The following ANKRD17 variants were observed in gnomAD, a reference collection of about 807,000 sequenced individuals.
ANKRD17 encodes the protein ankyrin repeat domain 17.
ANKRD17 carries 19 observed loss-of-function variants against 229.7 expected under a neutral mutation model. That is an observed-to-expected ratio of 0.08 (90% CI 0.06 to 0.12). The LOEUF is 0.12. Ranked by LOEUF, ANKRD17 falls within the 10% of genes least tolerant of loss-of-function variation. The probability of loss-of-function intolerance (pLI) is 1.00; values close to 1 mark genes in which losing one functional copy is unlikely to be tolerated. For missense variants in ANKRD17, 2,176 were observed against 3,176.8 expected (o/e 0.68, Z 7.57); for synonymous variants, 1,112 against 1,146.1 (o/e 0.97, Z 0.60).
chr4:73,116,723 T>C (rs1406261620), intron 22 of ANKRD17, among the ~76,000 whole-genome samples: 2 of 152,120 alleles, frequency 1.3e-5, no homozygotes, highest in Non-Finnish European at 2.9e-5. Flanking sequence ...CTCAAACAGT[T>C]ACCTAACTTT....
intron 8 of ANKRD17, 78 bp downstream of exon 8, chr4:73,148,735 T>A (rs559558761): frequency 7.6e-7 from 1 of 1,318,034 alleles, no homozygotes; most frequent in Admixed American, 1.9e-5. Context: ...AAAGGTGAAA[T>A]ACTAAAATCC....
At chr4:73,109,299 CAA>C (rs34817384) in intron 24 of ANKRD17, among the ~76,000 whole-genome samples, 6 of 127,008 alleles carry the variant, frequency 4.7e-5, no homozygotes, top group Admixed American at 1.6e-4. Context: ...GGCGCTGTCT[CAA>C]AAAAAAAAAA....
Position 73,240,806 on chromosome 4 carries a change from C to CTTTTTTTT in ANKRD17, c.393+17462_393+17469dup, listed in dbSNP as rs111961579. Among the ~76,000 whole-genome samples, 32 of 127,032 alleles carry CTTTTTTTT rather than the reference C, an allele frequency of 2.5e-4. 1 individual carries two copies. The South Asian group carries it at 7.6e-3, about 30-fold the overall frequency. 83.3% of individuals were successfully genotyped at this position (127,032 alleles called of 152,430 possible). A position where few individuals can be genotyped will look rare whatever the true frequency, so the allele number is the denominator to read the frequency against. ...AGCTTATATAAATTCAGTACTTATT[C>CTTTTTTTT]TTTTTTTTTTTTTTTTTTTTGGAGA... is the stretch of plus-strand genomic sequence containing the variant. On this transcript the variant is annotated intron_variant, in intron 1 of 33. Transcript: ENST00000358602.
chr4:73,079,439 C>A (rs1017669919), intron 30 of ANKRD17, among the ~76,000 whole-genome samples: 2 of 152,024 alleles, frequency 1.3e-5, no homozygotes, highest in Non-Finnish European at 2.9e-5. Flanking sequence ...ATTGTCCAGG[C>A]TAGAGTGCAG....
At chr4:73,185,791 C>T (rs986536262) in intron 1 of ANKRD17, among the ~76,000 whole-genome samples, 6 of 152,018 alleles carry the variant, frequency 3.9e-5, no homozygotes, top group Non-Finnish European at 5.9e-5. Context: ...AAAGCACAGG[C>T]TATGTGAACA....
intron 1 of ANKRD17, among the ~76,000 whole-genome samples, chr4:73,188,244 A>C (rs2149048187): frequency 6.6e-6 from 1 of 152,268 alleles, no homozygotes; most frequent in South Asian, 2.1e-4. Flanking sequence ...ATGAAAAATA[A>C]AATTATAAGC....
intron 1 of ANKRD17, among the ~76,000 whole-genome samples, chr4:73,234,806 T>C (rs1387037440): frequency 6.6e-6 from 1 of 152,190 alleles, no homozygotes; most frequent in Non-Finnish European, 1.5e-5. Context: ...GTGGGCATCA[T>C]AGTTGTTTAG....
At position 73,076,217 on chromosome 4, in the gene ANKRD17, C is replaced by T; in HGVS notation, c.*14G>A. ...AAATGAAAAGGAATCTGCAGGCTAACAAGCTGATCCTCATCAGCCAAGCTG... is the reference window on the plus strand; with the variant it reads ...AAATGAAAAGGAATCTGCAGGCTAATAAGCTGATCCTCATCAGCCAAGCTG... On this transcript the variant is annotated 3_prime_UTR_variant, in exon 34 of 34. Coordinates refer to ENST00000358602, the MANE Select transcript of ANKRD17 (RefSeq NM_032217.5). 1 of 1,600,616 alleles carries T rather than the reference C, an allele frequency of 6.2e-7. No individual in the cohort carries two copies.
At chr4:73,103,410 C>T (rs1321974975) in intron 24 of ANKRD17, among the ~76,000 whole-genome samples, 1 of 152,110 alleles carries the variant, frequency 6.6e-6, no homozygotes, top group Non-Finnish European at 1.5e-5. Context: ...TATAACTATA[C>T]AGTGTTTCTA....
At chr4:73,181,608 C>T (rs903780924) in intron 1 of ANKRD17, among the ~76,000 whole-genome samples, 7 of 152,096 alleles carry the variant, frequency 4.6e-5, no homozygotes, top group Non-Finnish European at 8.8e-5. Flanking sequence ...CCAGCTGAGA[C>T]AGTTCAGATT....
At chr4:73,250,839 T>TG (rs1365923546) in intron 1 of ANKRD17, among the ~76,000 whole-genome samples, 3 of 151,960 alleles carry the variant, frequency 2.0e-5, no homozygotes, top group Admixed American at 2.0e-4. Flanking sequence ...CCCAAGTAGC[T>TG]GGGACTTACT....
intron 23 of ANKRD17, 46 bp downstream of exon 23, chr4:73,115,775 A>G (rs1045654690): frequency 7.0e-7 from 1 of 1,435,374 alleles, no homozygotes; most frequent in South Asian, 1.2e-5. Flanking sequence ...TGGAAGATAT[A>G]TTAACCGAAT....
At chr4:73,258,131 C>T in intron 1 of ANKRD17, 145 bp downstream of exon 1, 1 of 1,433,418 alleles carries the variant, frequency 7.0e-7, no homozygotes, top group Non-Finnish European at 9.4e-7. Context: ...ACGATTTAGG[C>T]CGAGGGAAGA....
At chr4:73,252,233 T>C (rs1165359144) in intron 1 of ANKRD17, among the ~76,000 whole-genome samples, 1 of 152,196 alleles carries the variant, frequency 6.6e-6, no homozygotes, top group African/African-American at 2.4e-5. Context: ...TGCTTTCAGA[T>C]ATGACAGTCC....
Position 73,091,167 on chromosome 4 carries a change from G to T in ANKRD17, c.6461C>A (p.Pro2154Gln), listed in dbSNP as rs745362206. Residue 2154 changes from proline to glutamine, a missense_variant, in exon 29 of 34, where the codon CCA becomes CAA. This residue lies in a region of ANKRD17 where 424 missense variants were observed against 454.0 expected (regional missense o/e 0.93). Coordinates refer to ENST00000358602, the MANE Select transcript of ANKRD17 (RefSeq NM_032217.5). Reference protein sequence around the residue: ...SAPVAVPSTAPVTYPMPQTPM... With the variant: ...SAPVAVPSTAQVTYPMPQTPM... ...TGTCTGAGGCATAGGGTAAGTCACT[G>T]GGGCAGTAGAAGGCACCGCCACTGG... The T allele has an allele frequency of 1.2e-6, 2 of 1,614,160 alleles. No homozygotes were observed. The highest frequency in any genetic ancestry group is 2.2e-5 in the South Asian group (2 of 91,086).
intron 16 of ANKRD17, among the ~76,000 whole-genome samples, chr4:73,132,563 C>A (rs1728359019): frequency 6.6e-6 from 1 of 152,118 alleles, no homozygotes. Context: ...TAACTCAGGT[C>A]TGGCTAACCC....
intron 1 of ANKRD17, among the ~76,000 whole-genome samples, chr4:73,243,867 G>T (rs945121133): frequency 6.6e-6 from 1 of 152,202 alleles, no homozygotes; most frequent in Non-Finnish European, 1.5e-5. Flanking sequence ...TACCTATGCT[G>T]ACCTTTCTGT....
chr4:73,244,252 C>CA (rs887861160), intron 1 of ANKRD17, among the ~76,000 whole-genome samples: 1 of 152,150 alleles, frequency 6.6e-6, no homozygotes, highest in East Asian at 1.9e-4. Flanking sequence ...GTTAGGGCTT[C>CA]AAAATATTAA....
intron 1 of ANKRD17, among the ~76,000 whole-genome samples, chr4:73,215,515 C>T (rs1424134814): frequency 6.6e-6 from 1 of 152,148 alleles, no homozygotes; most frequent in Non-Finnish European, 1.5e-5. Flanking sequence ...ATCTCAGCCT[C>T]CCAAAGTGCT....
Sources: allele counts gnomAD v4.1 joint callset (sites outside exome capture counted in the v4.1 genomes callset), GRCh38; gene constraint gnomAD v4.1.1; regional missense constraint gnomAD v4.1.1; transcripts MANE v1.5; gene names NCBI Gene and HGNC (gene_info 2026-07-23, HGNC 2026-07-21).